Variants in BPGM observed in about 807,000 individuals in gnomAD.
The protein encoded by BPGM is bisphosphoglycerate mutase, also known as 2,3-bisphosphoglycerate mutase, erythrocyte.
BPGM carries 15 observed loss-of-function variants against 21.6 expected under a neutral mutation model. The ratio of observed to expected loss-of-function variants is 0.70; its 90% CI spans 0.47 to 1.07. The LOEUF is 1.07. Among genes scored for constraint, BPGM ranks in the 50% least tolerant of loss-of-function variants. The pLI is 0.00. For synonymous variants in BPGM, 113 were observed against 116.2 expected (o/e 0.97, Z 0.18); for missense variants, 273 against 319.0 (o/e 0.86, Z 1.10).
intron 2 of BPGM, among the ~76,000 whole-genome samples, chr7:134,667,597 T>C (rs1255072149): frequency 6.6e-6 from 1 of 152,192 alleles, no homozygotes; most frequent in Non-Finnish European, 1.5e-5. Flanking sequence ...AAGAATTGAA[T>C]CTAGAAATGG....
chr7:134,662,067 C>T lies in BPGM; in HGVS notation c.560C>T (p.Ala187Val). The T allele has an allele frequency of 6.2e-7, 1 of 1,614,134 alleles. No homozygotes were observed. Among genetic ancestry groups the T allele is most frequent in the Non-Finnish European group, 8.5e-7 (1 of 1,180,006 alleles). Residue 187 changes from alanine to valine, a missense_variant, in exon 2 of 3, where the codon GCT becomes GTT. By Grantham distance (64) the Ala-to-Val change is moderately conservative. Coordinates refer to ENST00000344924, the MANE Select transcript of BPGM (RefSeq NM_001724.5). The stretch of plus-strand genomic sequence containing the variant: ...CGTGGCAAAACCATTCTGATATCTG[C>T]TCATGGAAATAGCAGTAGGGCACTC... ...VLRGKTILISAHGNSSRALLK... is the reference protein window; with the variant it reads ...VLRGKTILISVHGNSSRALLK...
In BPGM at chr7:134,679,088, A is replaced by G; in HGVS notation, c.*57A>G. Reference sequence around the variant, plus strand: ...AAAAGAAGTGGCATAGGAGTGTGTTATGGGTGCTGAACTCTCTCTCTTTTT... The same window carrying G: ...AAAAGAAGTGGCATAGGAGTGTGTTGTGGGTGCTGAACTCTCTCTCTTTTT... On this transcript the variant is annotated 3_prime_UTR_variant, in exon 3 of 3. Transcript: ENST00000344924. The G allele has an allele frequency of 1.3e-6, 2 of 1,573,518 alleles. No homozygotes were observed. Among genetic ancestry groups the G allele is most frequent in the Middle Eastern group, 1.7e-4 (1 of 5,928 alleles).
At chr7:134,668,254 T>G (rs1795849281) in intron 2 of BPGM, among the ~76,000 whole-genome samples, 1 of 152,162 alleles carries the variant, frequency 6.6e-6, no homozygotes, top group Non-Finnish European at 1.5e-5. Context: ...TCATGGTAAT[T>G]AGTTGGCATC....
chr7:134,663,021 C>T (rs572526286), intron 2 of BPGM, among the ~76,000 whole-genome samples: 83 of 152,270 alleles, frequency 5.5e-4, no homozygotes, highest in South Asian at 5.2e-3. Flanking sequence ...GTGCTTTTTG[C>T]GTGATATGCC....
intron 1 of BPGM, among the ~76,000 whole-genome samples, chr7:134,653,331 G>A (rs1277833671): frequency 1.3e-5 from 2 of 152,076 alleles, no homozygotes; most frequent in South Asian, 4.1e-4. Flanking sequence ...TGTCTTTCAC[G>A]TTTATCTCCT....
intron 1 of BPGM, among the ~76,000 whole-genome samples, chr7:134,657,334 C>A (rs1361456710): frequency 6.6e-6 from 1 of 152,166 alleles, no homozygotes; most frequent in Non-Finnish European, 1.5e-5. Context: ...CAAGAAAGAA[C>A]CTGACATGCT....
Position 134,679,357 on chromosome 7 carries a change from A to C in BPGM, c.*326A>C. The C allele has an allele frequency of 3.1e-6, 1 of 321,952 alleles. No homozygotes were observed. Among genetic ancestry groups the C allele is most frequent in the South Asian group, 3.6e-5 (1 of 27,616 alleles). 19.9% of individuals were successfully genotyped at this position (321,952 alleles called of 1,614,324 possible). A position where few individuals can be genotyped will look rare whatever the true frequency, so the allele number is the denominator to read the frequency against. On this transcript the variant is annotated 3_prime_UTR_variant, in exon 3 of 3. Coordinates refer to ENST00000344924, the MANE Select transcript of BPGM (RefSeq NM_001724.5). ...AGTTAAAGGTATTTATCATTCAAGA[A>C]ATCATTATTGAGTCACCATTGACAG...
At chr7:134,677,283 G>A (rs1038647675) in intron 2 of BPGM, among the ~76,000 whole-genome samples, 6 of 152,032 alleles carry the variant, frequency 3.9e-5, no homozygotes, top group Non-Finnish European at 7.4e-5. Flanking sequence ...TAATTGACAG[G>A]AGAATTGGAG....
intron 2 of BPGM, among the ~76,000 whole-genome samples, chr7:134,663,399 C>T (rs572781621): frequency 4.0e-5 from 6 of 151,886 alleles, no homozygotes; most frequent in Admixed American, 2.6e-4. Flanking sequence ...TGTGTGTGCA[C>T]GTGCGCATGT....
intron 2 of BPGM, among the ~76,000 whole-genome samples, chr7:134,677,849 A>G (rs2131467204): frequency 6.6e-6 from 1 of 152,344 alleles, no homozygotes; most frequent in East Asian, 1.9e-4. Context: ...TTGAACTCAG[A>G]AACTTGAGAG....
At chr7:134,676,182 G>T (rs1252572476) in intron 2 of BPGM, among the ~76,000 whole-genome samples, 1 of 152,062 alleles carries the variant, frequency 6.6e-6, no homozygotes, top group African/African-American at 2.4e-5. Context: ...TTGCCTAGTT[G>T]CCCTAGCTAG....
At chr7:134,675,852 C>G (rs1328388173) in intron 2 of BPGM, among the ~76,000 whole-genome samples, 1 of 152,112 alleles carries the variant, frequency 6.6e-6, no homozygotes, top group Non-Finnish European at 1.5e-5. Flanking sequence ...TCTTCTAATC[C>G]ATAAATACAT....
intron 2 of BPGM, among the ~76,000 whole-genome samples, chr7:134,677,919 T>G (rs974231661): frequency 8.5e-5 from 13 of 152,216 alleles, no homozygotes; most frequent in African/African-American, 2.9e-4. Flanking sequence ...TGTCATTTAC[T>G]CTCTGTGTGA....
intron 1 of BPGM, among the ~76,000 whole-genome samples, chr7:134,655,772 A>G (rs1473174145): frequency 3.3e-5 from 5 of 152,154 alleles, no homozygotes. Flanking sequence ...CAATCCAGTC[A>G]TTTCTGTCTG....
intron 1 of BPGM, among the ~76,000 whole-genome samples, chr7:134,650,717 T>C (rs1320064098): frequency 1.3e-5 from 2 of 152,062 alleles, no homozygotes; most frequent in Admixed American, 6.5e-5. Flanking sequence ...GGTCAGGAGA[T>C]CAAGACCATC....
chr7:134,674,767 G>T (rs1303069440), intron 2 of BPGM, among the ~76,000 whole-genome samples: 2 of 152,138 alleles, frequency 1.3e-5, no homozygotes, highest in African/African-American at 4.8e-5. Context: ...CACTTCTCTT[G>T]GGTATATGCT....
At position 134,679,100 on chromosome 7, in the gene BPGM, C is replaced by A; in HGVS notation, c.*69C>A. ...ATAGGAGTGTGTTATGGGTGCTGAACTCTCTCTCTTTTTCCCCGATTTTCC... is the reference window on the plus strand; with the variant it reads ...ATAGGAGTGTGTTATGGGTGCTGAAATCTCTCTCTTTTTCCCCGATTTTCC... On this transcript the variant is annotated 3_prime_UTR_variant, in exon 3 of 3. Coordinates refer to ENST00000344924, the MANE Select transcript of BPGM (RefSeq NM_001724.5). The A allele has an allele frequency of 6.5e-7, 1 of 1,540,608 alleles. No individual in the cohort carries two copies. Among genetic ancestry groups the A allele is most frequent in the Non-Finnish European group, 8.9e-7 (1 of 1,122,422 alleles).
chr7:134,678,765 A>G (rs898841533), intron 2 of BPGM, 88 bp from the exon 3 acceptor site: 3 of 1,281,634 alleles, frequency 2.3e-6, no homozygotes, highest in Non-Finnish European at 3.4e-6. Context: ...ACACAGTTAA[A>G]TGGGATTAAA....
intron 2 of BPGM, among the ~76,000 whole-genome samples, chr7:134,664,611 A>G (rs148687285): frequency 1.3e-3 from 198 of 152,302 alleles, no homozygotes; most frequent in African/African-American, 4.0e-3. Context: ...ACAATGCCCA[A>G]GAGGAATGAA....
Sources: allele counts gnomAD v4.1 joint callset (sites outside exome capture counted in the v4.1 genomes callset), GRCh38; gene constraint gnomAD v4.1.1; transcripts MANE v1.5; gene names NCBI Gene and HGNC (gene_info 2026-07-23, HGNC 2026-07-21).